Variants in MCM4 observed in about 807,000 individuals in gnomAD.
MCM4 encodes DNA replication licensing factor MCM4.
Under a neutral mutation model 88.7 loss-of-function variants are expected in MCM4, and 60 were observed. The ratio of observed to expected loss-of-function variants is 0.68; its 90% CI spans 0.55 to 0.84. MCM4 has a LOEUF of 0.84. Among genes scored for constraint, MCM4 ranks in the 40% least tolerant of loss-of-function variants. The pLI, the probability that MCM4 is intolerant of heterozygous loss-of-function variation, is 0.00. For synonymous variants in MCM4, 465 were observed against 410.5 expected, an observed-to-expected ratio of 1.13 and a Z score of -1.61; for missense variants, 1,149 against 1,105.5, an observed-to-expected ratio of 1.04 and a Z score of -0.56.
chr8:47,970,120 C>T (rs1486405872), intron 11 of MCM4, 63 bp downstream of exon 11: 1 of 1,550,556 alleles, frequency 6.4e-7, no homozygotes, highest in African/African-American at 1.4e-5. Flanking sequence ...ATAGTATAAA[C>T]ATCCACTCCG....
In MCM4 at chr8:47,978,119, G is replaced by A. The variant is rs531643451; in HGVS notation, c.*1341G>A. 3.3e-5 allele frequency: 5 copies of A among 152,216 alleles called. No homozygotes were observed. Among genetic ancestry groups the A allele is most frequent in the African/African-American group, 1.2e-4 (5 of 41,540 alleles). The allele number at this position is 152,216 out of a possible 1,614,324, so 9.4% of individuals were successfully genotyped here. ...AAATGACCATAGGCTAAAATCTTAC[G>A]TGTAAGTACTACTACAATAAATAAT... is the stretch of plus-strand genomic sequence containing the variant. On this transcript the variant is annotated 3_prime_UTR_variant, in exon 17 of 17. Transcript: ENST00000649973.
chr8:47,972,759 G>C lies in MCM4; in HGVS notation c.1929-98G>C. On this transcript the variant is annotated intron_variant, in intron 13 of 16. Transcript: ENST00000649973. ...TTTAGTAGAGACAAGGTTTCACCGTGTTGGCCAGGCTGGTCTCAAACTACC... is the reference window on the plus strand; with the variant it reads ...TTTAGTAGAGACAAGGTTTCACCGTCTTGGCCAGGCTGGTCTCAAACTACC... The C allele has an allele frequency of 3.5e-6, 3 of 858,308 alleles. No individual in the cohort carries two copies. In the South Asian group the frequency reaches 4.8e-5, roughly 14 times the overall value. The allele number at this position is 858,308 out of a possible 1,614,324, so 53.2% of individuals were successfully genotyped here. A position where few individuals can be genotyped will look rare whatever the true frequency, so the allele number is the denominator to read the frequency against.
In MCM4 at chr8:47,961,644, G is replaced by T; in HGVS notation, c.199G>T (p.Val67Leu). 3.1e-6 allele frequency: 5 copies of T among 1,612,644 alleles called. No homozygotes were observed. The highest frequency in any genetic ancestry group is 4.2e-6 in the Non-Finnish European group (5 of 1,178,990). ...CCTGCAGAGCCCTGCTGCGCAGGAC[G>T]TGCTGTTTTCCAGCCCTCCCCAAAT... Reference protein sequence around the residue: ...VDLQSPAAQDVLFSSPPQMHS... With the variant: ...VDLQSPAAQDLLFSSPPQMHS... Residue 67 changes from valine (V) to leucine (L), a missense_variant, in exon 3 of 17, where the codon GTG becomes TTG. Coordinates refer to ENST00000649973, the MANE Select transcript of MCM4 (RefSeq NM_182746.3).
rs2090897582 is a variant in MCM4, at chr8:47,966,292, C to T, written c.938C>T (p.Thr313Ile). Residue 313 changes from threonine (T) to isoleucine (I), a missense_variant, in exon 9 of 17, where the codon ACC becomes ATC. Coordinates refer to ENST00000649973, the MANE Select transcript of MCM4 (RefSeq NM_182746.3). Reference sequence around the variant, plus strand: ...CAGTGCCAAGTGTGTGCCCACACGACCCGGGTGGAGATGGACCGCGGCCGC... The same window carrying T: ...CAGTGCCAAGTGTGTGCCCACACGATCCGGGTGGAGATGGACCGCGGCCGC... Reference protein sequence around the residue: ...FFQCQVCAHTTRVEMDRGRIA... With the variant: ...FFQCQVCAHTIRVEMDRGRIA... 3.1e-6 allele frequency: 5 copies of T among 1,614,012 alleles called. No homozygotes were observed. Among genetic ancestry groups the T allele is most frequent in the Admixed American group, 1.7e-5 (1 of 60,010 alleles).
chr8:47,975,202 A>C, intron 15 of MCM4: 1 of 400,156 alleles, frequency 2.5e-6, no homozygotes, highest in Non-Finnish European at 4.5e-6. Context: ...TTTATACTTT[A>C]AGTTTTAGGG....
Position 47,977,738 on chromosome 8 carries a change from TG to T in MCM4, c.*961del, listed in dbSNP as rs1331176685. 6.6e-6 allele frequency: 1 copy of T among 152,060 alleles called. No homozygotes were observed. Among genetic ancestry groups the T allele is most frequent in the African/African-American group, 2.4e-5 (1 of 41,408 alleles). 9.4% of individuals were successfully genotyped at this position (152,060 alleles called of 1,614,324 possible). A position where few individuals can be genotyped will look rare whatever the true frequency, so the allele number is the denominator to read the frequency against. ...CTTCCGGAAGTGCTGAGATTACAGGTGTGAGCCACTGCACCCAGCCTTTGTT... is the reference window on the plus strand; with the variant it reads ...CTTCCGGAAGTGCTGAGATTACAGGTTGAGCCACTGCACCCAGCCTTTGTT... On this transcript the variant is annotated 3_prime_UTR_variant, in exon 17 of 17. Transcript: ENST00000649973.
intron 16 of MCM4, among the ~76,000 whole-genome samples, chr8:47,976,292 CAAA>C (rs554025887): frequency 3.5e-5 from 4 of 115,356 alleles, no homozygotes; most frequent in African/African-American, 3.2e-5. Flanking sequence ...AACTCCATCT[CAAA>C]AAAAAAAAAA....
chr8:47,961,105 G>C (rs1260020470), intron 1 of MCM4, 26 bp from the exon 2 acceptor site: 1 of 1,525,176 alleles, frequency 6.6e-7, no homozygotes, highest in Non-Finnish European at 8.7e-7. Flanking sequence ...AGGCGGGCCC[G>C]GCCCGAGCTT....
At position 47,962,788 on chromosome 8, in the gene MCM4, C is replaced by A. The variant is rs187841020; in HGVS notation, c.526C>A (p.Pro176Thr). 23 of 1,608,440 alleles carry A rather than the reference C, an allele frequency of 1.4e-5. No individual in the cohort carries two copies. Among genetic ancestry groups the A allele is most frequent in the Admixed American group, 1.7e-5 (1 of 58,816 alleles). ...GAGATTTCTTCAGCGTTTTATTGAC[C>A]CTCTGGCTAAAGAAGAAGAAAATGT... Reference protein sequence around the residue: ...FQRFLQRFIDPLAKEEENVGI... With the variant: ...FQRFLQRFIDTLAKEEENVGI... The change falls in exon 6 of 17, where the codon CCT (proline) becomes ACT (threonine). Residue 176 changes from proline (P) to threonine (T), a missense_variant. This residue lies in a region of MCM4 where 906 missense variants were observed against 843.0 expected (regional missense o/e 1.07). Transcript: ENST00000649973.
rs2154505193 is a variant in MCM4 at position 47,967,401 on chromosome 8, G to A, written c.1090G>A (p.Gly364Arg). 1 of 1,614,198 alleles carries A rather than the reference G, an allele frequency of 6.2e-7. No homozygotes were observed. Among genetic ancestry groups the A allele is most frequent in the Non-Finnish European group, 8.5e-7 (1 of 1,180,016 alleles). Residue 364 changes from glycine to arginine, a missense_variant, in exon 10 of 17, where the codon GGG becomes AGG. Gly to Arg is a moderately radical substitution (Grantham distance 125). Around this residue, in one of 3 missense-constraint regions of MCM4, gnomAD observed 906 missense variants for 843.0 expected, o/e 1.07. Transcript: ENST00000649973. Reference protein sequence around the residue: ...LQESPEDMPAGQTPHTVILFA... With the variant: ...LQESPEDMPARQTPHTVILFA... ...GGAGTCTCCGGAAGACATGCCTGCA[G>A]GGCAGACACCACACACAGTTATCCT...
Position 47,974,714 on chromosome 8 carries a change from T to C in MCM4, c.2137-20T>C. 6.3e-7 allele frequency: 1 copy of C among 1,599,026 alleles called. No individual in the cohort carries two copies. Among genetic ancestry groups the C allele is most frequent in the Non-Finnish European group, 8.6e-7 (1 of 1,168,514 alleles). ...CACCAAGGAGGTTTGCTTTTGCTTT[T>C]GTTTTTCTACCTACAATAGGCTTAT... On this transcript the variant is annotated intron_variant, in intron 14 of 16. Coordinates refer to ENST00000649973, the MANE Select transcript of MCM4 (RefSeq NM_182746.3).
At chr8:47,964,870 A>G (rs2090885035) in intron 8 of MCM4, among the ~76,000 whole-genome samples, 158 bp downstream of exon 8, 1 of 152,242 alleles carries the variant, frequency 6.6e-6, no homozygotes, top group South Asian at 2.1e-4. Context: ...TATCCTATAT[A>G]CTTATGAACC....
Position 47,961,562 on chromosome 8 carries a change from C to T in MCM4, c.117C>T (p.Gly39=), listed in dbSNP as rs747065674. ...CATCTCCCTCTCAGAGACGTAGAGG[C>T]GAGGATTCCACCTCCACGGGGGAGT... is the stretch of plus-strand genomic sequence containing the variant. The part of the protein sequence containing the change: ...ARSSPSQRRR[G]EDSTSTGELQ... The change falls in exon 3 of 17, where the codon GGC becomes GGT. Residue 39 remains glycine, a synonymous_variant. Transcript: ENST00000649973. 2.1e-5 allele frequency: 34 copies of T among 1,614,022 alleles called. No homozygotes were observed. Among genetic ancestry groups the T allele is most frequent in the Non-Finnish European group, 2.8e-5 (33 of 1,180,038 alleles).
chr8:47,961,492 C>G, intron 2 of MCM4, 24 bp from the exon 3 acceptor site: 2 of 1,613,416 alleles, frequency 1.2e-6, no homozygotes, highest in Non-Finnish European at 1.7e-6. Context: ...TAATGGCTGT[C>G]TTTTCTGTTT....
At chr8:47,970,268 A>G (rs1165685187) in intron 11 of MCM4, among the ~76,000 whole-genome samples, 1 of 152,210 alleles carries the variant, frequency 6.6e-6, no homozygotes, top group African/African-American at 2.4e-5. Context: ...TTCTAAACAG[A>G]AGAGGCCACA....
At chr8:47,975,692 T>C in intron 15 of MCM4, 23 bp from the exon 16 acceptor site, 4 of 1,497,714 alleles carry the variant, frequency 2.7e-6, no homozygotes, top group Non-Finnish European at 3.5e-6. Flanking sequence ...AAAAATGTTT[T>C]CATTGATTTC....
In MCM4 at chr8:47,973,028, G is replaced by A. The variant is rs768760192; in HGVS notation, c.2100G>A (p.Pro700=). 18 of 1,613,770 alleles carry A rather than the reference G, an allele frequency of 1.1e-5. No individual in the cohort carries two copies. Among genetic ancestry groups the A allele is most frequent in the East Asian group, 8.9e-5 (4 of 44,892 alleles). The change falls in exon 14 of 17, where the codon CCG becomes CCA. Residue 700 remains proline, a synonymous_variant. Coordinates refer to ENST00000649973, the MANE Select transcript of MCM4 (RefSeq NM_182746.3). ...CCTACGCGCACAGCACCATCATGCC[G>A]CGGCTAAGTGAGGAAGCCAGCCAGG... The part of the protein sequence containing the change: ...YIAYAHSTIM[P]RLSEEASQAL...
At chr8:47,963,703 C>T (rs1165113070) in intron 7 of MCM4, among the ~76,000 whole-genome samples, 1 of 152,128 alleles carries the variant, frequency 6.6e-6, no homozygotes, top group Non-Finnish European at 1.5e-5. Context: ...ATATATTGTA[C>T]TGTAGACTTT....
At chr8:47,967,564 TG>T in intron 10 of MCM4, 79 bp downstream of exon 10, 3 of 1,575,712 alleles carry the variant, frequency 1.9e-6, no homozygotes, top group Non-Finnish European at 2.6e-6. Flanking sequence ...TCATTGGACT[TG>T]GTCACAGGTC....
Sources: allele counts gnomAD v4.1 joint callset (sites outside exome capture counted in the v4.1 genomes callset), GRCh38; gene constraint gnomAD v4.1.1; regional missense constraint gnomAD v4.1.1; transcripts MANE v1.5; gene names NCBI Gene and HGNC (gene_info 2026-07-23, HGNC 2026-07-21).